IER3IP1: variants seen among roughly 807,000 people sequenced by gnomAD.
IER3IP1 encodes immediate early response 3-interacting protein 1.
A neutral mutation model predicts 12.2 loss-of-function variants in IER3IP1; 16 were observed. The ratio of observed to expected loss-of-function variants is 1.31; its 90% confidence interval spans 0.89 to 1.99. The LOEUF is 1.99. Ranked by LOEUF, IER3IP1 falls within the 30% of genes most tolerant of loss-of-function variation. IER3IP1 has a pLI of 0.00. For synonymous variants in IER3IP1, 42 were observed against 40.0 expected (o/e 1.05, Z -0.19); for missense variants, 95 against 95.8 (o/e 0.99, Z 0.03).
At chr18:47,166,587 TGA>T (rs1299863660) in intron 1 of IER3IP1, among the ~76,000 whole-genome samples, 1 of 152,100 alleles carries the variant, frequency 6.6e-6, no homozygotes, top group Non-Finnish European at 1.5e-5. Context: ...GTAAATCACA[TGA>T]GAGTGTTGAA....
Position 47,156,025 on chromosome 18 carries a change from A to C in IER3IP1, c.*152T>G, listed in dbSNP as rs77002332. 1.2e-4 allele frequency: 73 copies of C among 620,668 alleles called. No homozygotes were observed. The highest frequency in any genetic ancestry group is 1.7e-4 in the African/African-American group (9 of 53,642). The allele number at this position is 620,668 out of a possible 1,614,324, so 38.4% of individuals were successfully genotyped here. A position where few individuals can be genotyped will look rare whatever the true frequency, so the allele number is the denominator to read the frequency against. The stretch of plus-strand genomic sequence containing the variant: ...TACAAGTGCAACATTAAAAAAAAAA[A>C]CAGATAAATAGAAACCCTGGTTTTA... On this transcript the variant is annotated 3_prime_UTR_variant, in exon 3 of 3. Transcript: ENST00000256433.
At chr18:47,174,200 T>TA (rs1325701711) in intron 1 of IER3IP1, among the ~76,000 whole-genome samples, 1 of 152,188 alleles carries the variant, frequency 6.6e-6, no homozygotes, top group Admixed American at 6.5e-5. Flanking sequence ...CACCACTTTC[T>TA]ACTTTCTACC....
At chr18:47,158,350 A>G (rs1384178031) in intron 1 of IER3IP1, among the ~76,000 whole-genome samples, 2 of 151,904 alleles carry the variant, frequency 1.3e-5, no homozygotes, top group Admixed American at 1.3e-4. Context: ...AAATTGAGAC[A>G]AGGTTTTACT....
Position 47,156,312 on chromosome 18 carries a change from A to G in IER3IP1, c.194-80T>C, listed in dbSNP as rs1237765647. The G allele has an allele frequency of 1.3e-5, 10 of 788,476 alleles. No homozygotes were observed. The East Asian group carries it at 2.4e-4, about 19-fold the overall frequency. 48.8% of individuals were successfully genotyped at this position (788,476 alleles called of 1,614,324 possible). A position where few individuals can be genotyped will look rare whatever the true frequency, so the allele number is the denominator to read the frequency against. ...CAGAAAATAATAATTAGCCTCCAGG[A>G]ACAATAGAAATATCTAACAATATGT... On this transcript the variant is annotated intron_variant, in intron 2 of 2. Transcript: ENST00000256433.
At chr18:47,173,891 C>T (rs1373367987) in intron 1 of IER3IP1, among the ~76,000 whole-genome samples, 1 of 152,176 alleles carries the variant, frequency 6.6e-6, no homozygotes, top group Non-Finnish European at 1.5e-5. Flanking sequence ...CAATCTCTGC[C>T]TCAGTTGTCA....
intron 1 of IER3IP1, among the ~76,000 whole-genome samples, chr18:47,161,878 G>A (rs1167242418): frequency 6.6e-6 from 1 of 151,426 alleles, no homozygotes; most frequent in Non-Finnish European, 1.5e-5. Flanking sequence ...CCCAACTGGG[G>A]ATGATGGGAG....
rs58475024 is a variant in IER3IP1 at position 47,172,961 on chromosome 18, C to G, written c.91+3226G>C. Among the ~76,000 whole-genome samples, 1 of 152,198 alleles carries G rather than the reference C, an allele frequency of 6.6e-6. No homozygotes were observed. The highest frequency in any genetic ancestry group is 1.5e-5 in the Non-Finnish European group (1 of 68,038). Reference sequence around the variant, plus strand: ...ATACTAGAGGAGATTCTAGGGCTGTCTGGGGCACCAATTCTTTTTGTACTC... The same window carrying G: ...ATACTAGAGGAGATTCTAGGGCTGTGTGGGGCACCAATTCTTTTTGTACTC... On this transcript the variant is annotated intron_variant, in intron 1 of 2. Coordinates refer to ENST00000256433, the MANE Select transcript of IER3IP1 (RefSeq NM_016097.5). This position sits in a 1 kb window ranked among gnomAD's most constrained non-coding sequence, Gnocchi z 4.0.
Position 47,154,860 on chromosome 18 carries a change from G to A in IER3IP1, c.*1317C>T, listed in dbSNP as rs1488919673. ...ATAAAAGGTGCTCATGAGTCTTCTG[G>A]ATGTATGTCAGCAATTCAGTTAATT... On this transcript the variant is annotated 3_prime_UTR_variant, in exon 3 of 3. Transcript: ENST00000256433. 2.0e-5 allele frequency: 3 copies of A among 151,832 alleles called. No homozygotes were observed. The highest frequency in any genetic ancestry group is 2.9e-5 in the Non-Finnish European group (2 of 67,962). 9.4% of individuals were successfully genotyped at this position (151,832 alleles called of 1,614,324 possible). A position where few individuals can be genotyped will look rare whatever the true frequency, so the allele number is the denominator to read the frequency against.
rs1207898602 is a variant in IER3IP1, at chr18:47,154,077, C to T, written c.*2100G>A. 6.6e-6 allele frequency: 1 copy of T among 152,194 alleles called. No individual in the cohort carries two copies. Among genetic ancestry groups the T allele is most frequent in the Non-Finnish European group, 1.5e-5 (1 of 68,050 alleles). The allele number at this position is 152,194 out of a possible 1,614,324, so 9.4% of individuals were successfully genotyped here. On this transcript the variant is annotated 3_prime_UTR_variant, in exon 3 of 3. Transcript: ENST00000256433. ...CGCACAGTTCAGAGACATGCAAACA[C>T]AGGGCCAGAATACATAAGGACTATA...
chr18:47,174,313 T>TA (rs2064024457), intron 1 of IER3IP1, among the ~76,000 whole-genome samples: 1 of 152,192 alleles, frequency 6.6e-6, no homozygotes, highest in African/African-American at 2.4e-5. Context: ...CACCAGTTAA[T>TA]ATATGTAAGG....
chr18:47,175,159 C>T (rs2064028268), intron 1 of IER3IP1, among the ~76,000 whole-genome samples: 1 of 152,162 alleles, frequency 6.6e-6, no homozygotes, highest in Non-Finnish European at 1.5e-5. Flanking sequence ...CCTGGGTTTA[C>T]GTTTCAGTGA....
intron 1 of IER3IP1, among the ~76,000 whole-genome samples, chr18:47,168,301 CAA>C (rs35347851): frequency 1.9e-5 from 2 of 107,160 alleles, no homozygotes; most frequent in Non-Finnish European, 1.9e-5. Context: ...GACTCCATCA[CAA>C]AAAAAAAAAA....
At chr18:47,158,864 G>A (rs1295067504) in intron 1 of IER3IP1, among the ~76,000 whole-genome samples, 2 of 152,038 alleles carry the variant, frequency 1.3e-5, no homozygotes, top group Non-Finnish European at 1.5e-5. Flanking sequence ...GGGAGGCTGA[G>A]GTGAGAGGAT....
intron 1 of IER3IP1, among the ~76,000 whole-genome samples, chr18:47,159,079 G>C (rs1021253406): frequency 5.9e-5 from 9 of 152,144 alleles, no homozygotes; most frequent in Non-Finnish European, 1.0e-4. Flanking sequence ...ATATATTTTT[G>C]CAGCACTAAG....
chr18:47,175,480 G>GT (rs11464058), intron 1 of IER3IP1, among the ~76,000 whole-genome samples: 152,157 of 152,186 alleles, frequency 1, 76,064 homozygotes, highest in Middle Eastern at 1. Context: ...GTTTTGTTTT[G>GT]TTAGACGGAG....
In IER3IP1 at chr18:47,176,329, A is replaced by C; in HGVS notation, c.-52T>G. 1 of 1,503,094 alleles carries C rather than the reference A, an allele frequency of 6.7e-7. No homozygotes were observed. The highest frequency in any genetic ancestry group is 9.1e-7 in the Non-Finnish European group (1 of 1,101,040). The allele number at this position is 1,503,094 out of a possible 1,614,324, so 93.1% of individuals were successfully genotyped here. A position where few individuals can be genotyped will look rare whatever the true frequency, so the allele number is the denominator to read the frequency against. On this transcript the variant is annotated 5_prime_UTR_variant, in exon 1 of 3. Coordinates refer to ENST00000256433, the MANE Select transcript of IER3IP1 (RefSeq NM_016097.5). The stretch of plus-strand genomic sequence containing the variant: ...AAGCGATTTCTCTCCCGCCGCCGCA[A>C]GGGACGTGGCGCCTCCACGGCCGGC...
rs964623587 is a variant in IER3IP1, at chr18:47,154,058, G to A, written c.*2119C>T. 4 of 152,184 alleles carry A rather than the reference G, an allele frequency of 2.6e-5. No homozygotes were observed. The highest frequency in any genetic ancestry group is 2.9e-5 in the Non-Finnish European group (2 of 68,040). The allele number at this position is 152,184 out of a possible 1,614,324, so 9.4% of individuals were successfully genotyped here. A position where few individuals can be genotyped will look rare whatever the true frequency, so the allele number is the denominator to read the frequency against. ...GACTAGAGCCAAGAACCTTCGCACA[G>A]TTCAGAGACATGCAAACACAGGGCC... On this transcript the variant is annotated 3_prime_UTR_variant, in exon 3 of 3. Coordinates refer to ENST00000256433, the MANE Select transcript of IER3IP1 (RefSeq NM_016097.5).
chr18:47,171,009 G>C (rs1289900716), intron 1 of IER3IP1, among the ~76,000 whole-genome samples: 2 of 151,958 alleles, frequency 1.3e-5, no homozygotes, highest in African/African-American at 4.8e-5. Flanking sequence ...GTTAACTAGG[G>C]AATTTTCATA....
chr18:47,164,938 G>A (rs1203267024), intron 1 of IER3IP1, among the ~76,000 whole-genome samples: 3 of 152,160 alleles, frequency 2.0e-5, no homozygotes, highest in Non-Finnish European at 4.4e-5. Context: ...GTTACTGACT[G>A]CAACCACCAA....
Sources: gnomAD v4.1 joint callset for allele counts (sites outside exome capture counted in the v4.1 genomes callset) on GRCh38, gnomAD v4.1.1 for gene constraint, Gnocchi (gnomAD v3.1) non-coding constraint, MANE v1.5 for transcripts, NCBI Gene and HGNC (gene_info 2026-07-23, HGNC 2026-07-21) for gene names.